RAP1GDS1: variants seen among roughly 807,000 people sequenced by gnomAD.
RAP1GDS1 encodes the protein Rap1 GTPase-GDP dissociation stimulator 1.
Under a neutral mutation model 71.1 loss-of-function variants are expected in RAP1GDS1, and 35 were observed. The ratio of observed to expected loss-of-function variants is 0.49; its 90% confidence interval spans 0.38 to 0.65. RAP1GDS1 has a LOEUF of 0.65. Ranked by LOEUF, RAP1GDS1 falls within the 30% of genes least tolerant of loss-of-function variation. The pLI is 0.00. For missense variants in RAP1GDS1, 663 were observed against 706.1 expected (o/e 0.94, Z 0.69); for synonymous variants, 229 against 243.1 (o/e 0.94, Z 0.54).
At chr4:98,421,135 T>C in intron 11 of RAP1GDS1, 120 bp from the exon 12 acceptor site, 2 of 1,144,784 alleles carry the variant, frequency 1.7e-6, no homozygotes, top group Non-Finnish European at 2.4e-6. Flanking sequence ...CAGTTCTAGC[T>C]TTAATGAAAT....
chr4:98,413,621 G>T (rs1045409109), intron 7 of RAP1GDS1, among the ~76,000 whole-genome samples: 8 of 151,432 alleles, frequency 5.3e-5, no homozygotes, highest in African/African-American at 1.9e-4. Context: ...GTCTATCATT[G>T]TTGGACATTT....
At chr4:98,336,545 T>C (rs929422798) in intron 2 of RAP1GDS1, among the ~76,000 whole-genome samples, 4 of 152,208 alleles carry the variant, frequency 2.6e-5, no homozygotes, top group African/African-American at 9.7e-5. Flanking sequence ...TGAGATCTGT[T>C]TCTGATGGTG....
chr4:98,261,768 C>A (rs1722010291), intron 1 of RAP1GDS1, 199 bp downstream of exon 1: 6 of 587,524 alleles, frequency 1.0e-5, no homozygotes, highest in Non-Finnish European at 1.5e-5. Context: ...CGAGCGCGGG[C>A]TGGGGTGGGG....
intron 12 of RAP1GDS1, among the ~76,000 whole-genome samples, chr4:98,426,633 T>C (rs1388617180): frequency 6.6e-6 from 1 of 152,066 alleles, no homozygotes; most frequent in Non-Finnish European, 1.5e-5. Flanking sequence ...GATAAATTCC[T>C]GGAAAAATAC....
intron 6 of RAP1GDS1, among the ~76,000 whole-genome samples, chr4:98,394,883 T>C (rs1744288986): frequency 6.6e-6 from 1 of 152,132 alleles, no homozygotes; most frequent in African/African-American, 2.4e-5. Flanking sequence ...GGCAATAGTT[T>C]TCAAACTTTT....
At chr4:98,407,793 A>G (rs924922491) in intron 7 of RAP1GDS1, among the ~76,000 whole-genome samples, 1 of 152,008 alleles carries the variant, frequency 6.6e-6, no homozygotes, top group African/African-American at 2.4e-5. Context: ...CATCCATGTA[A>G]CCAAAAACCA....
At chr4:98,335,902 T>A (rs1734653911) in intron 2 of RAP1GDS1, among the ~76,000 whole-genome samples, 3 of 152,070 alleles carry the variant, frequency 2.0e-5, no homozygotes, top group Admixed American at 1.3e-4. Context: ...AATAGATTCC[T>A]TGGATTACTC....
At chr4:98,389,734 CCT>C (rs1405964137) in intron 5 of RAP1GDS1, among the ~76,000 whole-genome samples, 1 of 152,126 alleles carries the variant, frequency 6.6e-6, no homozygotes, top group Non-Finnish European at 1.5e-5. Context: ...ACTTTTCACC[CCT>C]CTTTTACCTG....
At chr4:98,329,921 C>CT (rs971637378) in intron 2 of RAP1GDS1, among the ~76,000 whole-genome samples, 3 of 150,450 alleles carry the variant, frequency 2.0e-5, no homozygotes, top group South Asian at 2.1e-4. Context: ...ATATTCTCCT[C>CT]TTTTTTTTAA....
intron 3 of RAP1GDS1, among the ~76,000 whole-genome samples, chr4:98,349,897 C>T (rs1254450590): frequency 1.3e-5 from 2 of 151,744 alleles, no homozygotes; most frequent in Non-Finnish European, 2.9e-5. Flanking sequence ...AATTAGCTAG[C>T]GAGGACTACC....
intron 3 of RAP1GDS1, among the ~76,000 whole-genome samples, chr4:98,346,242 T>C (rs1056760236): frequency 6.6e-6 from 1 of 152,186 alleles, no homozygotes. Flanking sequence ...GCAAAGTGTT[T>C]ATCAAAACTT....
chr4:98,267,758 C>CTTTT (rs1722902956), intron 1 of RAP1GDS1, among the ~76,000 whole-genome samples: 1 of 152,008 alleles, frequency 6.6e-6, no homozygotes. Flanking sequence ...TGATAGGCAC[C>CTTTT]TGGGTTGTTT....
At chr4:98,352,363 A>T (rs1737340208) in intron 3 of RAP1GDS1, 113 bp from the exon 4 acceptor site, 1 of 1,121,510 alleles carries the variant, frequency 8.9e-7, no homozygotes, top group Non-Finnish European at 1.3e-6. Flanking sequence ...CACCTTTTCA[A>T]GGTGGCTTTT....
At chr4:98,324,992 A>C (rs971573845) in intron 2 of RAP1GDS1, among the ~76,000 whole-genome samples, 43 of 150,498 alleles carry the variant, frequency 2.9e-4, no homozygotes, top group African/African-American at 1.0e-3. Context: ...GCAACCTACA[A>C]AATGGGAGAA....
intron 6 of RAP1GDS1, among the ~76,000 whole-genome samples, chr4:98,392,721 T>C (rs1323787959): frequency 6.6e-6 from 1 of 152,100 alleles, no homozygotes; most frequent in Non-Finnish European, 1.5e-5. Context: ...AAGAAATTTA[T>C]TACATTTCAT....
intron 2 of RAP1GDS1, among the ~76,000 whole-genome samples, chr4:98,308,690 G>C (rs1249806769): frequency 6.6e-6 from 1 of 151,978 alleles, no homozygotes; most frequent in African/African-American, 2.4e-5. Context: ...AGGTCATGCA[G>C]TATACTAGTG....
At chr4:98,414,823 C>T (rs1193903721) in intron 7 of RAP1GDS1, among the ~76,000 whole-genome samples, 6 of 151,894 alleles carry the variant, frequency 4.0e-5, no homozygotes, top group East Asian at 1.9e-4. Flanking sequence ...GCCATTTTCA[C>T]GATATTGATT....
At chr4:98,354,143 A>G (rs1737613729) in intron 4 of RAP1GDS1, among the ~76,000 whole-genome samples, 1 of 150,918 alleles carries the variant, frequency 6.6e-6, no homozygotes, top group Non-Finnish European at 1.5e-5. Context: ...GCTCACTGCA[A>G]GCTCCGCTTC....
intron 1 of RAP1GDS1, among the ~76,000 whole-genome samples, chr4:98,269,984 C>G (rs1723230557): frequency 6.6e-6 from 1 of 152,114 alleles, no homozygotes; most frequent in African/African-American, 2.4e-5. Context: ...ATATAAAGAA[C>G]AGAAATTTAT....
Sources: allele counts gnomAD v4.1 joint callset (sites outside exome capture counted in the v4.1 genomes callset), GRCh38; gene constraint gnomAD v4.1.1; transcripts MANE v1.5; gene names NCBI Gene and HGNC (gene_info 2026-07-23, HGNC 2026-07-21).